NUFIP2: variants seen among roughly 807,000 people sequenced by gnomAD.
The protein encoded by NUFIP2 is FMR1-interacting protein NUFIP2.
A neutral mutation model predicts 56.9 loss-of-function variants in NUFIP2; 6 were observed. The ratio of observed to expected loss-of-function variants is 0.11; its 90% CI spans 0.06 to 0.21. NUFIP2 has a LOEUF of 0.21. Ranked by LOEUF, NUFIP2 falls within the 10% of genes least tolerant of loss-of-function variation. The probability of loss-of-function intolerance (pLI) is 1.00; values close to 1 mark genes in which losing one functional copy is unlikely to be tolerated. For missense variants in NUFIP2, 828 were observed against 826.8 expected (o/e 1.00, Z -0.02); for synonymous variants, 321 against 298.2 (o/e 1.08, Z -0.79).
chr17:29,287,731 A>T lies in NUFIP2; in HGVS notation c.278-15T>A. On this transcript the variant is annotated splice_polypyrimidine_tract_variant and intron_variant, in intron 1 of 3. Transcript: ENST00000225388. The stretch of plus-strand genomic sequence containing the variant: ...TTCACCATAGCCTAGGGGAGGGGAA[A>T]AAAAGGATTAAAAAAAAAAATCACA... 6.5e-7 allele frequency: 1 copy of T among 1,548,380 alleles called. No homozygotes were observed. Among genetic ancestry groups the T allele is most frequent in the East Asian group, 2.3e-5 (1 of 43,794 alleles).
chr17:29,287,542 G>A lies in NUFIP2; in HGVS notation c.452C>T (p.Thr151Ile). The change falls in exon 2 of 4, where the codon ACC becomes ATC. Residue 151 changes from threonine to isoleucine, a missense_variant. By Grantham distance (89) the Thr-to-Ile change is moderately conservative. Coordinates refer to ENST00000225388, the MANE Select transcript of NUFIP2 (RefSeq NM_020772.3). ...ANTFGKAGIK[T>I]KNFIQKNSMD... ...ACTGTTTTTCTGAATGAAATTCTTGGTTTTAATTCCTGCTTTCCCAAAGGT... is the reference window on the plus strand; with the variant it reads ...ACTGTTTTTCTGAATGAAATTCTTGATTTTAATTCCTGCTTTCCCAAAGGT... 1.9e-6 allele frequency: 3 copies of A among 1,613,926 alleles called. No homozygotes were observed. The highest frequency in any genetic ancestry group is 2.5e-6 in the Non-Finnish European group (3 of 1,179,992).
rs1392181863 is a variant in NUFIP2 at position 29,259,572 on chromosome 17, T to G, written c.*4967A>C. The stretch of plus-strand genomic sequence containing the variant: ...TCCAGCCTGGGCAACAGACAGTCCG[T>G]CTCAAAAAAAAAAAGGTGGGGGGGG... On this transcript the variant is annotated 3_prime_UTR_variant, in exon 4 of 4. Coordinates refer to ENST00000225388, the MANE Select transcript of NUFIP2 (RefSeq NM_020772.3). 1.1e-5 allele frequency: 1 copy of G among 88,732 alleles called. No homozygotes were observed. The highest frequency in any genetic ancestry group is 2.1e-5 in the Non-Finnish European group (1 of 48,252). The allele number at this position is 88,732 out of a possible 1,614,324, so 5.5% of individuals were successfully genotyped here.
In NUFIP2 at chr17:29,293,871, C is replaced by T; in HGVS notation, c.189G>A (p.Glu63=). The change falls in exon 1 of 4, where the codon GAG becomes GAA. Residue 63 remains glutamate (E), a synonymous_variant. Transcript: ENST00000225388. ...GCTTTGGCTGGGCCTTGGGGCTGCC[C>T]TCGGCTCCATGCTGCAGGTATTGGT... The part of the protein sequence containing the change: ...QPHQYLQHGA[E]GSPKAQPKPL... 5.6e-6 allele frequency: 9 copies of T among 1,613,626 alleles called. No homozygotes were observed. The highest frequency in any genetic ancestry group is 7.6e-6 in the Non-Finnish European group (9 of 1,179,676).
Position 29,264,307 on chromosome 17 carries a change from T to A in NUFIP2, c.*232A>T, listed in dbSNP as rs3785961. 0.05 allele frequency: 8,838 copies of A among 177,034 alleles called. 312 individuals are homozygous for A. Among genetic ancestry groups the A allele is most frequent in the South Asian group, 0.16 (826 of 5,092 alleles). 11.0% of individuals were successfully genotyped at this position (177,034 alleles called of 1,614,324 possible). A position where few individuals can be genotyped will look rare whatever the true frequency, so the allele number is the denominator to read the frequency against. On this transcript the variant is annotated 3_prime_UTR_variant, in exon 4 of 4. Transcript: ENST00000225388. The stretch of plus-strand genomic sequence containing the variant: ...CAGTACCGGAGATTAAATAACCATG[T>A]GTAGTCTCTTGAAATAAATTTGATT...
intron 1 of NUFIP2, among the ~76,000 whole-genome samples, chr17:29,288,296 C>T (rs1440874816): frequency 6.6e-6 from 1 of 152,264 alleles, no homozygotes; most frequent in Non-Finnish European, 1.5e-5. Context: ...CCGCCCGTCT[C>T]GGCCTCCCGA....
chr17:29,288,898 CAT>C (rs369832767), intron 1 of NUFIP2, among the ~76,000 whole-genome samples: 6 of 152,218 alleles, frequency 3.9e-5, no homozygotes, highest in African/African-American at 1.4e-4. Flanking sequence ...TGTCTGTAAA[CAT>C]AGCACTTTGG....
Position 29,287,293 on chromosome 17 carries a change from C to T in NUFIP2, c.701G>A (p.Cys234Tyr), listed in dbSNP as rs751805646. 1 of 1,614,200 alleles carries T rather than the reference C, an allele frequency of 6.2e-7. No homozygotes were observed. Among genetic ancestry groups the T allele is most frequent in the South Asian group, 1.1e-5 (1 of 91,072 alleles). The change falls in exon 2 of 4, where the codon TGT (cysteine) becomes TAT (tyrosine). Residue 234 changes from cysteine (C) to tyrosine (Y), a missense_variant. Cys to Tyr is a radical substitution (Grantham distance 194, BLOSUM62 -2). Transcript: ENST00000225388. ...RKARRNSAKG[C>Y]ENLNIVQDKI... ...GTCCTGCACTATATTAAGGTTTTCA[C>T]AACCCTTGGCACTATTGCGCCTAGC...
At position 29,271,478 on chromosome 17, in the gene NUFIP2, A is replaced by C. The variant is rs146343127; in HGVS notation, c.2003-3948T>G. Among the ~76,000 whole-genome samples the C allele has an allele frequency of 4.2e-3, 637 of 152,104 alleles. 3 individuals carry two copies. The highest frequency in any genetic ancestry group is 6.3e-3 in the Non-Finnish European group (430 of 67,960). ...CTTGAACCCCGTAGACGGAGGTTGCAGTGAGCCGAGATCGTGCCACTGCAC... is the reference window on the plus strand; with the variant it reads ...CTTGAACCCCGTAGACGGAGGTTGCCGTGAGCCGAGATCGTGCCACTGCAC... On this transcript the variant is annotated intron_variant, in intron 2 of 3. Coordinates refer to ENST00000225388, the MANE Select transcript of NUFIP2 (RefSeq NM_020772.3).
At chr17:29,266,636 T>C (rs1052214776) in intron 3 of NUFIP2, among the ~76,000 whole-genome samples, 1 of 151,966 alleles carries the variant, frequency 6.6e-6, no homozygotes, top group African/African-American at 2.4e-5. Context: ...ATTTCAATTC[T>C]TAGGCTGTTT....
At chr17:29,273,562 T>C (rs1343098911) in intron 2 of NUFIP2, among the ~76,000 whole-genome samples, 1 of 152,118 alleles carries the variant, frequency 6.6e-6, no homozygotes, top group Admixed American at 6.6e-5. Flanking sequence ...CCAGTTCTTT[T>C]TGAAGAGTGA....
At chr17:29,282,977 G>A (rs916915904) in intron 2 of NUFIP2, among the ~76,000 whole-genome samples, 15 of 152,160 alleles carry the variant, frequency 9.9e-5, no homozygotes, top group African/African-American at 3.6e-4. Context: ...GGAATTCAAA[G>A]AACTTGCTAC....
Position 29,259,016 on chromosome 17 carries a change from A to G in NUFIP2, c.*5523T>C, listed in dbSNP as rs965831591. On this transcript the variant is annotated 3_prime_UTR_variant, in exon 4 of 4. Coordinates refer to ENST00000225388, the MANE Select transcript of NUFIP2 (RefSeq NM_020772.3). ...CAGGGTAAACTAAAGGCATTCATTCATATTTACATATTAAAACCACTTTTG... is the reference window on the plus strand; with the variant it reads ...CAGGGTAAACTAAAGGCATTCATTCGTATTTACATATTAAAACCACTTTTG... The G allele has an allele frequency of 3.3e-5, 5 of 152,252 alleles. No homozygotes were observed. Among genetic ancestry groups the G allele is most frequent in the African/African-American group, 1.2e-4 (5 of 41,476 alleles). 9.4% of individuals were successfully genotyped at this position (152,252 alleles called of 1,614,324 possible).
rs763490006 is a variant in NUFIP2 at position 29,286,661 on chromosome 17, G to A, written c.1333C>T (p.Pro445Ser). The change falls in exon 2 of 4, where the codon CCC becomes TCC. Residue 445 changes from proline to serine, a missense_variant. This residue lies in a region of NUFIP2 where 404 missense variants were observed against 380.3 expected (regional missense o/e 1.06). Transcript: ENST00000225388. ...LLTTAANTLT[P>S]ISSGTDSVLQ... Reference sequence around the variant, plus strand: ...ACTGAATCTGTCCCAGAAGAGATGGGTGTTAGAGTATTAGCAGCAGTAGTT... The same window carrying A: ...ACTGAATCTGTCCCAGAAGAGATGGATGTTAGAGTATTAGCAGCAGTAGTT... The A allele has an allele frequency of 1.4e-5, 23 of 1,614,022 alleles. No homozygotes were observed. Among genetic ancestry groups the A allele is most frequent in the Admixed American group, 5.0e-5 (3 of 59,990 alleles).
At position 29,293,899 on chromosome 17, in the gene NUFIP2, G is replaced by T; in HGVS notation, c.161C>A (p.Pro54His). 1 of 1,614,018 alleles carries T rather than the reference G, an allele frequency of 6.2e-7. No individual in the cohort carries two copies. The highest frequency in any genetic ancestry group is 1.3e-5 in the African/African-American group (1 of 75,004). ...NHHHHHHHQQ[P>H]HQYLQHGAEG... is the part of the protein sequence containing the mutation. ...GGCTCCATGCTGCAGGTATTGGTGA[G>T]GCTGCTGGTGATGATGGTGGTGGTG... The change falls in exon 1 of 4, where the codon CCT (proline) becomes CAT (histidine). Residue 54 changes from proline (P) to histidine (H), a missense_variant. Around this residue, in one of 3 missense-constraint regions of NUFIP2, gnomAD observed 415 missense variants for 408.7 expected, o/e 1.02. Coordinates refer to ENST00000225388, the MANE Select transcript of NUFIP2 (RefSeq NM_020772.3).
At chr17:29,293,689 C>T (rs1313583081) in intron 1 of NUFIP2, 94 bp downstream of exon 1, 2 of 1,346,146 alleles carry the variant, frequency 1.5e-6, no homozygotes, top group South Asian at 1.5e-5. Flanking sequence ...ACACACACCC[C>T]GACCCCGTCC....
At chr17:29,272,092 A>AGGGGG (rs2069077323) in intron 2 of NUFIP2, among the ~76,000 whole-genome samples, 6 of 16,790 alleles carry the variant, frequency 3.6e-4, no homozygotes, top group Non-Finnish European at 5.6e-4. Context: ...AGGGGAGGGG[A>AGGGGG]GGGGAGGGGA....
rs1462455656 is a variant in NUFIP2 at position 29,294,114 on chromosome 17, C to T, written c.-55G>A. On this transcript the variant is annotated 5_prime_UTR_variant, in exon 1 of 4. Coordinates refer to ENST00000225388, the MANE Select transcript of NUFIP2 (RefSeq NM_020772.3). The stretch of plus-strand genomic sequence containing the variant: ...CTGCGGGCTGCTGCACCGTCAGGAT[C>T]TGAGACTGCTTCTCAGGGCTCACTC... The T allele has an allele frequency of 4.5e-6, 7 of 1,540,652 alleles. No homozygotes were observed. Among genetic ancestry groups the T allele is most frequent in the East Asian group, 2.3e-5 (1 of 44,190 alleles).
In NUFIP2 at chr17:29,287,536, T is replaced by C; in HGVS notation, c.458A>G (p.Asn153Ser). 1 of 1,614,106 alleles carries C rather than the reference T, an allele frequency of 6.2e-7. No homozygotes were observed. The highest frequency in any genetic ancestry group is 8.5e-7 in the Non-Finnish European group (1 of 1,180,018). ...TFGKAGIKTK[N>S]FIQKNSMDKK... ...GTCCATACTGTTTTTCTGAATGAAA[T>C]TCTTGGTTTTAATTCCTGCTTTCCC... Residue 153 changes from asparagine (N) to serine (S), a missense_variant, in exon 2 of 4, where the codon AAT (asparagine) becomes AGT (serine). Asn to Ser is a conservative substitution (Grantham distance 46). Around this residue, in one of 3 missense-constraint regions of NUFIP2, gnomAD observed 415 missense variants for 408.7 expected, o/e 1.02. Transcript: ENST00000225388.
At chr17:29,272,240 C>G (rs1397518580) in intron 2 of NUFIP2, among the ~76,000 whole-genome samples, 1 of 133,146 alleles carries the variant, frequency 7.5e-6, no homozygotes, top group Non-Finnish European at 1.6e-5. Context: ...GAAATGTGTT[C>G]TTTTTTTTTT....
Sources: gnomAD v4.1 joint callset for allele counts (sites outside exome capture counted in the v4.1 genomes callset) on GRCh38, gnomAD v4.1.1 for gene constraint, gnomAD v4.1.1 regional missense constraint, MANE v1.5 for transcripts, NCBI Gene and HGNC (gene_info 2026-07-23, HGNC 2026-07-21) for gene names.